CCHCR1: variants seen among roughly 807,000 people sequenced by gnomAD.
CCHCR1 encodes coiled-coil alpha-helical rod protein 1.
In CCHCR1, 91 loss-of-function variants were observed where a neutral mutation model predicts 114.6. The ratio of observed to expected loss-of-function variants is 0.79; its 90% CI spans 0.67 to 0.94. The LOEUF is 0.94. Ranked by LOEUF, CCHCR1 falls within the 40% of genes least tolerant of loss-of-function variation. The probability of loss-of-function intolerance (pLI) is 0.00; values close to 1 mark genes in which losing one functional copy is unlikely to be tolerated. For missense variants in CCHCR1, 899 were observed against 1,079.9 expected (o/e 0.83, Z 2.35); for synonymous variants, 379 against 428.5 (o/e 0.88, Z 1.43).
At position 31,145,728 on chromosome 6, in the gene CCHCR1, C is replaced by G; in HGVS notation, c.1661G>C (p.Ser554Thr). 1 of 1,613,754 alleles carries G rather than the reference C, an allele frequency of 6.2e-7. No individual in the cohort carries two copies. The highest frequency in any genetic ancestry group is 8.5e-7 in the Non-Finnish European group (1 of 1,179,968). Residue 554 changes from serine (S) to threonine (T), a missense_variant, in exon 11 of 18, where the codon AGC (serine) becomes ACC (threonine). Transcript: ENST00000396268. ...AQLPSLNNRL[S>T]YAVRKVHTIR... The stretch of plus-strand genomic sequence containing the variant: ...GGTGTGGACCTTGCGGACAGCATAG[C>G]TGAGTCGGTTGTTGAGGCTGGGAAG...
intron 11 of CCHCR1, 37 bp downstream of exon 11, chr6:31,145,659 G>A: frequency 6.6e-7 from 1 of 1,520,754 alleles, no homozygotes; most frequent in Non-Finnish European, 9.1e-7. Flanking sequence ...AGCTGGTGGG[G>A]TGGGGGCAGG....
At position 31,151,741 on chromosome 6, in the gene CCHCR1, G is replaced by C. The variant is rs546530559; in HGVS notation, c.802-619C>G. On this transcript the variant is annotated intron_variant, in intron 4 of 17. Transcript: ENST00000396268. The surrounding 1 kb of genome is among the most constrained non-coding windows in gnomAD (Gnocchi z 4.1). ...TGCTTATGTGTATGTGTTACTATCTGTCGGACCACACTGGAAGGAAAGCTC... is the reference window on the plus strand; with the variant it reads ...TGCTTATGTGTATGTGTTACTATCTCTCGGACCACACTGGAAGGAAAGCTC... Among the ~76,000 whole-genome samples, 29 of 152,226 alleles carry C rather than the reference G, an allele frequency of 1.9e-4. 1 individual carries two copies. The highest frequency in any genetic ancestry group is 7.0e-4 in the African/African-American group (29 of 41,532).
rs751689523 is a variant in CCHCR1 at position 31,144,851 on chromosome 6, C to G, written c.2065+34G>C. 6.2e-7 allele frequency: 1 copy of G among 1,609,970 alleles called. No individual in the cohort carries two copies. Among genetic ancestry groups the G allele is most frequent in the Non-Finnish European group, 8.5e-7 (1 of 1,176,466 alleles). On this transcript the variant is annotated intron_variant, in intron 14 of 17. Transcript: ENST00000396268. The surrounding 1 kb of genome is among the most constrained non-coding windows in gnomAD (Gnocchi z 4.6). ...CTTTGATTCGCAGTTCCCACCCCAC[C>G]CTCCAAGGGAAGCACCCATTTCCCT...
At position 31,145,000 on chromosome 6, in the gene CCHCR1, G is replaced by C. The variant is rs1450770893; in HGVS notation, c.1950C>G (p.Ser650=). The part of the protein sequence containing the change: ...LEQELQQTQE[S]LASLGLQLEV... ...CCAGCTGCAGCCCCAAGCTAGCCAG[G>C]GACTCCTGGGTCTGCTGCAGCTCCT... is the stretch of plus-strand genomic sequence containing the variant. The change falls in exon 14 of 18, where the codon TCC becomes TCG. Residue 650 remains serine, a synonymous_variant. Transcript: ENST00000396268. This position sits in a 1 kb window ranked among gnomAD's most constrained non-coding sequence, Gnocchi z 4.6. 6.2e-7 allele frequency: 1 copy of C among 1,607,010 alleles called. No homozygotes were observed. Among genetic ancestry groups the C allele is most frequent in the Non-Finnish European group, 8.5e-7 (1 of 1,179,836 alleles).
Position 31,156,896 on chromosome 6 carries a change from G to A in CCHCR1, c.332C>T (p.Ser111Leu), listed in dbSNP as rs779452062. 1.2e-5 allele frequency: 20 copies of A among 1,612,844 alleles called. No individual in the cohort carries two copies. Among genetic ancestry groups the A allele is most frequent in the African/African-American group, 2.7e-5 (2 of 74,910 alleles). ...GGTGGGAGCCATTCTTGGCAGAGTT[G>A]AAAGGGGCCGAGCTTGAAAGTGGGA... ...PPSHFQARPL[S>L]TLPRMAPTWL... Residue 111 changes from serine to leucine, a missense_variant, in exon 3 of 18, where the codon TCA becomes TTA. Physicochemically the swap from Ser to Leu is moderately radical, Grantham distance 145. Coordinates refer to ENST00000396268, the MANE Select transcript of CCHCR1 (RefSeq NM_001105564.2).
chr6:31,148,463 G>A lies in CCHCR1; in HGVS notation c.1522C>T (p.Gln508Ter). ...SRAQEARRRWQQQTASAEEQL... is the reference protein window; with the variant it reads ...SRAQEARRRW Reference sequence around the variant, plus strand: ...TCCTCGGCTGAGGCTGTCTGCTGCTGCCACCGACGCCTGGCCTCCTGAGCA... The same window carrying A: ...TCCTCGGCTGAGGCTGTCTGCTGCTACCACCGACGCCTGGCCTCCTGAGCA... Residue 508 changes from glutamine to a stop codon, truncating the protein, a stop_gained, in exon 10 of 18, where the codon CAG (glutamine) becomes TAG (stop). Coordinates refer to ENST00000396268, the MANE Select transcript of CCHCR1 (RefSeq NM_001105564.2). LOFTEE classifies it high-confidence loss of function. The A allele has an allele frequency of 6.2e-7, 1 of 1,612,830 alleles. No homozygotes were observed. Among genetic ancestry groups the A allele is most frequent in the Non-Finnish European group, 8.5e-7 (1 of 1,179,840 alleles).
chr6:31,143,830 G>A lies in CCHCR1; in HGVS notation c.2168-417C>T, dbSNP rs976189537. Among the ~76,000 whole-genome samples the A allele has an allele frequency of 1.3e-5, 2 of 152,192 alleles. No individual in the cohort carries two copies. Among genetic ancestry groups the A allele is most frequent in the Non-Finnish European group, 2.9e-5 (2 of 68,036 alleles). Reference sequence around the variant, plus strand: ...AATCCCAGCACTTTGGGATGCCAAGGCGGGCGGATCACGAGGTTAGGAGCT... The same window carrying A: ...AATCCCAGCACTTTGGGATGCCAAGACGGGCGGATCACGAGGTTAGGAGCT... On this transcript the variant is annotated intron_variant, in intron 15 of 17. Transcript: ENST00000396268. The surrounding 1 kb of genome is among the most constrained non-coding windows in gnomAD (Gnocchi z 5.3).
In CCHCR1 at chr6:31,151,240, C is replaced by T; in HGVS notation, c.802-118G>A. 1 of 1,106,592 alleles carries T rather than the reference C, an allele frequency of 9.0e-7. No individual in the cohort carries two copies. Among genetic ancestry groups the T allele is most frequent in the Non-Finnish European group, 1.3e-6 (1 of 775,984 alleles). 68.5% of individuals were successfully genotyped at this position (1,106,592 alleles called of 1,614,324 possible). ...TGACCCAACCAATCAGCCAACTGTGCACAGCAAATGGAGAGCTGGCAACTC... is the reference window on the plus strand; with the variant it reads ...TGACCCAACCAATCAGCCAACTGTGTACAGCAAATGGAGAGCTGGCAACTC... On this transcript the variant is annotated intron_variant, in intron 4 of 17. Transcript: ENST00000396268. This position sits in a 1 kb window ranked among gnomAD's most constrained non-coding sequence, Gnocchi z 4.1.
Position 31,156,850 on chromosome 6 carries a change from C to G in CCHCR1, c.378G>C (p.Leu126=). Reference sequence around the variant, plus strand: ...CATCTTGATGGCCTGGGGGTTGGACCAGGGGAATGTCTGAGAGCCAGGTGG... The same window carrying G: ...CATCTTGATGGCCTGGGGGTTGGACGAGGGGAATGTCTGAGAGCCAGGTGG... ...MAPTWLSDIP[L]VQPPGHQDVS... The change falls in exon 3 of 18, where the codon CTG becomes CTC. Residue 126 remains leucine (L), a synonymous_variant. Transcript: ENST00000396268. The G allele has an allele frequency of 6.2e-7, 1 of 1,612,932 alleles. No homozygotes were observed.
At position 31,157,089 on chromosome 6, in the gene CCHCR1, C is replaced by G. The variant is rs1484718000; in HGVS notation, c.217G>C (p.Gly73Arg). 1.2e-6 allele frequency: 2 copies of G among 1,609,578 alleles called. No homozygotes were observed. Among genetic ancestry groups the G allele is most frequent in the South Asian group, 2.2e-5 (2 of 90,784 alleles). Residue 73 changes from glycine to arginine, a missense_variant and splice_region_variant, in exon 2 of 18, where the codon GGG (glycine) becomes CGG (arginine). By Grantham distance (125) the Gly-to-Arg change is moderately radical (BLOSUM62 -2). Coordinates refer to ENST00000396268, the MANE Select transcript of CCHCR1 (RefSeq NM_001105564.2). ...SRDHRNLRRR[G>R]NIDGWRQNLE... Reference sequence around the variant, plus strand: ...TTCTGTCTCCAGCCATCTATGTTCCCCTGGACAAGAGGAGAAACAAAGACA... The same window carrying G: ...TTCTGTCTCCAGCCATCTATGTTCCGCTGGACAAGAGGAGAAACAAAGACA...
At position 31,150,442 on chromosome 6, in the gene CCHCR1, G is replaced by T; in HGVS notation, c.1212+13C>A. On this transcript the variant is annotated intron_variant, in intron 7 of 17. Coordinates refer to ENST00000396268, the MANE Select transcript of CCHCR1 (RefSeq NM_001105564.2). The surrounding 1 kb of genome is among the most constrained non-coding windows in gnomAD (Gnocchi z 5.3). The stretch of plus-strand genomic sequence containing the variant: ...TGCGGCTGAGGGTGAGGGGTCTGGG[G>T]GTTGGGCTGTACCTTCCTGGTCAGC... The T allele has an allele frequency of 6.2e-7, 1 of 1,604,044 alleles. No homozygotes were observed. Among genetic ancestry groups the T allele is most frequent in the Non-Finnish European group, 8.5e-7 (1 of 1,173,238 alleles).
intron 8 of CCHCR1, chr6:31,149,024 T>A (rs1450007733): frequency 2.8e-6 from 1 of 354,322 alleles, no homozygotes; most frequent in African/African-American, 2.1e-5. Flanking sequence ...TGATGGCATG[T>A]GCCTGTAATC....
Position 31,157,481 on chromosome 6 carries a change from T to C in CCHCR1, c.120A>G (p.Arg40=). 3.1e-6 allele frequency: 5 copies of C among 1,613,034 alleles called. No individual in the cohort carries two copies. The highest frequency in any genetic ancestry group is 4.2e-6 in the Non-Finnish European group (5 of 1,180,026). ...GTCTTGAGCGCCATCTCCAGAGTTC[T>C]CTCCATGGCTCAGCAAGGCCTGAGG... ...GLPSGLAEPW[R]ELWRWRSRPL... Residue 40 remains arginine (R), a synonymous_variant, in exon 1 of 18, where the codon AGA becomes AGG. Coordinates refer to ENST00000396268, the MANE Select transcript of CCHCR1 (RefSeq NM_001105564.2).
intron 3 of CCHCR1, among the ~76,000 whole-genome samples, chr6:31,155,332 C>T (rs1285015804): frequency 1.3e-5 from 2 of 151,904 alleles, no homozygotes; most frequent in African/African-American, 2.4e-5. Context: ...TGGCTGGGCG[C>T]GGTGGCTCAT....
At position 31,157,370 on chromosome 6, in the gene CCHCR1, G is replaced by C. The variant is rs1396581812; in HGVS notation, c.216+15C>G. The C allele has an allele frequency of 6.3e-7, 1 of 1,590,532 alleles. No homozygotes were observed. Among genetic ancestry groups the C allele is most frequent in the Admixed American group, 1.7e-5 (1 of 59,982 alleles). ...GCTTTACTCATACTTTCAGGATTCT[G>C]GGCAGTGCCTCTACCCTCCTCCTTA... On this transcript the variant is annotated intron_variant, in intron 1 of 17. Coordinates refer to ENST00000396268, the MANE Select transcript of CCHCR1 (RefSeq NM_001105564.2).
At position 31,144,224 on chromosome 6, in the gene CCHCR1, TTCTC is replaced by T. The variant is rs1773971049; in HGVS notation, c.2167+459_2167+462del. ...CAATTCTTTTTTTGACACATGGTCTTTCTCTATCACCCAGGCTTGAGTGCAGTGG... is the reference window on the plus strand; with the variant it reads ...CAATTCTTTTTTTGACACATGGTCTTTATCACCCAGGCTTGAGTGCAGTGG... On this transcript the variant is annotated intron_variant, in intron 15 of 17. Transcript: ENST00000396268. The surrounding 1 kb of genome is among the most constrained non-coding windows in gnomAD (Gnocchi z 4.6). Among the ~76,000 whole-genome samples the T allele has an allele frequency of 6.6e-6, 1 of 152,150 alleles. No homozygotes were observed. The highest frequency in any genetic ancestry group is 1.5e-5 in the Non-Finnish European group (1 of 68,032).
At position 31,142,451 on chromosome 6, in the gene CCHCR1, C is replaced by A; in HGVS notation, c.*141G>T. ...TCCAAACAATGGCTCCTTCTGTAGT[C>A]GTCTTTATTTAGAGCAGAATTCAGA... On this transcript the variant is annotated 3_prime_UTR_variant, in exon 18 of 18. Transcript: ENST00000396268. 1 of 660,664 alleles carries A rather than the reference C, an allele frequency of 1.5e-6. No individual in the cohort carries two copies. The highest frequency in any genetic ancestry group is 1.8e-5 in the African/African-American group (1 of 55,818). The allele number at this position is 660,664 out of a possible 1,614,324, so 40.9% of individuals were successfully genotyped here. A position where few individuals can be genotyped will look rare whatever the true frequency, so the allele number is the denominator to read the frequency against.
Position 31,144,165 on chromosome 6 carries a change from G to A in CCHCR1, c.2167+522C>T, listed in dbSNP as rs1477539674. Among the ~76,000 whole-genome samples, 1 of 152,180 alleles carries A rather than the reference G, an allele frequency of 6.6e-6. No individual in the cohort carries two copies. Among genetic ancestry groups the A allele is most frequent in the Non-Finnish European group, 1.5e-5 (1 of 68,036 alleles). ...AGACCAAATGTGGCAAATGTTAACT[G>A]CTATATTTAGTTAGAGAAGATACAT... On this transcript the variant is annotated intron_variant, in intron 15 of 17. Coordinates refer to ENST00000396268, the MANE Select transcript of CCHCR1 (RefSeq NM_001105564.2). This position sits in a 1 kb window ranked among gnomAD's most constrained non-coding sequence, Gnocchi z 4.6.
intron 3 of CCHCR1, 27 bp downstream of exon 3, chr6:31,156,704 G>A: frequency 1.3e-6 from 2 of 1,586,036 alleles, no homozygotes; most frequent in Non-Finnish European, 1.7e-6. Flanking sequence ...AAGCAAGCCT[G>A]AGAAAACGGC....
Sources: gnomAD v4.1 joint callset for allele counts (sites outside exome capture counted in the v4.1 genomes callset) on GRCh38, gnomAD v4.1.1 for gene constraint, Gnocchi (gnomAD v3.1) non-coding constraint, MANE v1.5 for transcripts, NCBI Gene and HGNC (gene_info 2026-07-23, HGNC 2026-07-21) for gene names.